Variants in PTPRR observed in about 807,000 individuals in gnomAD.
The protein encoded by PTPRR is receptor-type tyrosine-protein phosphatase R.
PTPRR carries 38 observed loss-of-function variants against 77.2 expected under a neutral mutation model. The observed-to-expected ratio is 0.49, with a 90% CI of 0.38 to 0.65. PTPRR has a LOEUF of 0.65. Among genes scored for constraint, PTPRR ranks in the 30% least tolerant of loss-of-function variants. The pLI is 0.00. For synonymous variants in PTPRR, 299 were observed against 283.1 expected (o/e 1.06, Z -0.57); for missense variants, 744 against 799.2 (o/e 0.93, Z 0.83).
At chr12:70,714,538 T>C (rs1028784517) in intron 6 of PTPRR, among the ~76,000 whole-genome samples, 3 of 152,232 alleles carry the variant, frequency 2.0e-5, no homozygotes, top group Non-Finnish European at 2.9e-5. Flanking sequence ...AGAACAACAA[T>C]GTGGATTTCA....
rs1320776648 is a variant in PTPRR at position 70,662,471 on chromosome 12, A to G, written c.1608+24T>C. ...TCCTCTAACATCATCTACTTTGTAG[A>G]TGGCTATAGCTACATAATCTTACCT... is the stretch of plus-strand genomic sequence containing the variant. On this transcript the variant is annotated intron_variant, in intron 11 of 13. Coordinates refer to ENST00000283228, the MANE Select transcript of PTPRR (RefSeq NM_002849.4). 14 of 1,387,316 alleles carry G rather than the reference A, an allele frequency of 1.0e-5. No homozygotes were observed. The Admixed American group carries it at 1.9e-4, about 19-fold the overall frequency. The allele number at this position is 1,387,316 out of a possible 1,614,324, so 85.9% of individuals were successfully genotyped here. A position where few individuals can be genotyped will look rare whatever the true frequency, so the allele number is the denominator to read the frequency against.
At chr12:70,736,068 T>G (rs1889851382) in intron 6 of PTPRR, among the ~76,000 whole-genome samples, 1 of 152,334 alleles carries the variant, frequency 6.6e-6, no homozygotes, top group South Asian at 2.1e-4. Flanking sequence ...TCTGAATTAT[T>G]GCCTTATAGC....
At chr12:70,836,850 T>C (rs1410429571) in intron 2 of PTPRR, among the ~76,000 whole-genome samples, 1 of 152,090 alleles carries the variant, frequency 6.6e-6, no homozygotes, top group African/African-American at 2.4e-5. Context: ...TCAGAGAATG[T>C]TATTGACCAT....
At chr12:70,804,918 A>C (rs566795937) in intron 2 of PTPRR, among the ~76,000 whole-genome samples, 1 of 152,228 alleles carries the variant, frequency 6.6e-6, no homozygotes, top group Non-Finnish European at 1.5e-5. Flanking sequence ...ATTTGAAAAA[A>C]CAGTATAAAG....
intron 2 of PTPRR, among the ~76,000 whole-genome samples, chr12:70,771,211 A>G (rs1479260595): frequency 6.6e-6 from 1 of 152,134 alleles, no homozygotes; most frequent in Non-Finnish European, 1.5e-5. Flanking sequence ...ACCATGGAAC[A>G]TTATGCAGCC....
At chr12:70,695,856 A>G (rs1201540739) in intron 8 of PTPRR, among the ~76,000 whole-genome samples, 2 of 152,178 alleles carry the variant, frequency 1.3e-5, no homozygotes, top group East Asian at 3.8e-4. Flanking sequence ...AGGTAAATAA[A>G]TTTAACTATA....
At chr12:70,757,132 T>C (rs1277967548) in intron 4 of PTPRR, among the ~76,000 whole-genome samples, 1 of 152,366 alleles carries the variant, frequency 6.6e-6, no homozygotes, top group South Asian at 2.1e-4. Context: ...CAAGACTACC[T>C]GCTAGTGTTC....
At chr12:70,780,167 T>G (rs1891174279) in intron 2 of PTPRR, among the ~76,000 whole-genome samples, 1 of 152,160 alleles carries the variant, frequency 6.6e-6, no homozygotes, top group South Asian at 2.1e-4. Flanking sequence ...AGTTTTCGTA[T>G]TTTTAGTAGA....
At chr12:70,872,024 C>G (rs574296812) in intron 2 of PTPRR, among the ~76,000 whole-genome samples, 2 of 152,198 alleles carry the variant, frequency 1.3e-5, no homozygotes, top group South Asian at 4.2e-4. Context: ...GTCTGAACAC[C>G]AAACAACAAA....
intron 2 of PTPRR, among the ~76,000 whole-genome samples, chr12:70,818,068 C>T (rs551277336): frequency 1.3e-5 from 2 of 151,682 alleles, no homozygotes; most frequent in South Asian, 2.1e-4. Flanking sequence ...AAAAATTAGC[C>T]GGATGTGGTG....
intron 2 of PTPRR, among the ~76,000 whole-genome samples, chr12:70,821,382 G>A (rs58582417): frequency 4.6e-5 from 7 of 151,002 alleles, no homozygotes; most frequent in African/African-American, 9.7e-5. Context: ...ACACCACCAC[G>A]CCCAGCTAAT....
chr12:70,798,132 T>C (rs1017479809), intron 2 of PTPRR, among the ~76,000 whole-genome samples: 2 of 152,214 alleles, frequency 1.3e-5, no homozygotes, highest in African/African-American at 4.8e-5. Flanking sequence ...ATTCCCATTT[T>C]AGTAAGTGGA....
At chr12:70,737,746 C>T (rs1175040846) in intron 6 of PTPRR, among the ~76,000 whole-genome samples, 1 of 152,160 alleles carries the variant, frequency 6.6e-6, no homozygotes, top group Non-Finnish European at 1.5e-5. Context: ...TGGTCTCAAA[C>T]TCCTGGCTTC....
chr12:70,800,721 C>G (rs1309381858), intron 2 of PTPRR, among the ~76,000 whole-genome samples: 1 of 151,870 alleles, frequency 6.6e-6, no homozygotes, highest in African/African-American at 2.4e-5. Context: ...ATGGTGAAAC[C>G]CCATCTCCAC....
At chr12:70,835,868 T>A (rs1252158764) in intron 2 of PTPRR, among the ~76,000 whole-genome samples, 1 of 152,086 alleles carries the variant, frequency 6.6e-6, no homozygotes, top group Non-Finnish European at 1.5e-5. Context: ...CTCTCCCCAG[T>A]ACACTTATTT....
intron 12 of PTPRR, among the ~76,000 whole-genome samples, chr12:70,660,341 A>C (rs1329266551): frequency 2.0e-5 from 3 of 152,164 alleles, no homozygotes; most frequent in Admixed American, 1.3e-4. Context: ...AGGAACCAGC[A>C]CAGACCCTGC....
intron 2 of PTPRR, among the ~76,000 whole-genome samples, chr12:70,858,240 C>A (rs1892686436): frequency 6.6e-6 from 1 of 151,990 alleles, no homozygotes; most frequent in African/African-American, 2.4e-5. Context: ...GGTCCAATGA[C>A]TCTTCCCACC....
intron 2 of PTPRR, among the ~76,000 whole-genome samples, chr12:70,805,734 T>G (rs575414933): frequency 6.6e-6 from 1 of 152,180 alleles, no homozygotes; most frequent in Admixed American, 6.6e-5. Context: ...CCAAATGTGG[T>G]AGATAATATT....
intron 1 of PTPRR, 129 bp from the exon 2 acceptor site, chr12:70,893,106 A>G (rs1016924379): frequency 2.9e-6 from 3 of 1,022,064 alleles, no homozygotes; most frequent in Non-Finnish European, 4.2e-6. Flanking sequence ...GTTAGTCTCC[A>G]TATTTCTTTG....
Sources: allele counts gnomAD v4.1 joint callset (sites outside exome capture counted in the v4.1 genomes callset), GRCh38; gene constraint gnomAD v4.1.1; transcripts MANE v1.5; gene names NCBI Gene and HGNC (gene_info 2026-07-23, HGNC 2026-07-21).